Variants in MYCBP2 observed in about 807,000 individuals in gnomAD.
The protein encoded by MYCBP2 is MYC binding protein 2, also known as E3 ubiquitin-protein ligase MYCBP2.
A neutral mutation model predicts 525.3 loss-of-function variants in MYCBP2; 120 were observed. The observed-to-expected ratio is 0.23, with a 90% CI of 0.20 to 0.27. MYCBP2 has a LOEUF of 0.27. Among genes scored for constraint, MYCBP2 ranks in the 10% least tolerant of loss-of-function variants. The pLI, the probability that MYCBP2 is intolerant of heterozygous loss-of-function variation, is 1.00. For missense variants in MYCBP2, 4,149 were observed against 5,657.1 expected, an observed-to-expected ratio of 0.73 and a Z score of 8.55; for synonymous variants, 1,894 against 1,955.8, an observed-to-expected ratio of 0.97 and a Z score of 0.83.
At chr13:77,237,990 T>C (rs1265312668) in intron 17 of MYCBP2, among the ~76,000 whole-genome samples, 1 of 152,108 alleles carries the variant, frequency 6.6e-6, no homozygotes, top group Non-Finnish European at 1.5e-5. Flanking sequence ...ACGCCTGTAA[T>C]CCCAGCACTT....
chr13:77,246,556 G>A (rs576865666), intron 15 of MYCBP2, among the ~76,000 whole-genome samples: 89 of 149,750 alleles, frequency 5.9e-4, no homozygotes, highest in African/African-American at 2.1e-3. Context: ...AGGAGGAGGA[G>A]CAGGAGGAGA....
chr13:77,234,923 C>G (rs967710261), intron 17 of MYCBP2, among the ~76,000 whole-genome samples: 1 of 151,974 alleles, frequency 6.6e-6, no homozygotes, highest in African/African-American at 2.4e-5. Context: ...CACCCACACC[C>G]GTTTAATGTC....
rs370809774 is a variant in MYCBP2 at position 77,165,288 on chromosome 13, G to A, written c.6444C>T (p.Ser2148=). 2.5e-6 allele frequency: 4 copies of A among 1,607,498 alleles called. No individual in the cohort carries two copies. The highest frequency in any genetic ancestry group is 3.4e-6 in the Non-Finnish European group (4 of 1,176,276). ...FKCFAIGYEF[S]PGPDEGVIQL... is the part of the protein sequence containing the mutation. ...TCATTCTTACCTCATCAGGTCCAGG[G>A]CTAAATTCATATCCAATTGCAAAAC... The change falls in exon 42 of 83, where the codon AGC becomes AGT. Residue 2148 remains serine (S), a synonymous_variant. Transcript: ENST00000544440.
chr13:77,221,413 G>A (rs1289231676), intron 20 of MYCBP2, among the ~76,000 whole-genome samples: 1 of 152,036 alleles, frequency 6.6e-6, no homozygotes, highest in Non-Finnish European at 1.5e-5. Flanking sequence ...CCCTCTCAGC[G>A]GCCAACACAC....
intron 55 of MYCBP2, among the ~76,000 whole-genome samples, chr13:77,116,114 C>T (rs956046809): frequency 3.3e-5 from 5 of 151,806 alleles, no homozygotes; most frequent in African/African-American, 1.2e-4. Context: ...CTCTGTAAAA[C>T]AGACATAAGA....
Position 77,243,097 on chromosome 13 carries a change from T to C in MYCBP2, c.2591A>G (p.Gln864Arg), listed in dbSNP as rs762034399. The change falls in exon 17 of 83, where the codon CAA becomes CGA. Residue 864 changes from glutamine to arginine, a missense_variant. Gln to Arg is a conservative substitution (Grantham distance 43, BLOSUM62 1). Coordinates refer to ENST00000544440, the MANE Select transcript of MYCBP2 (RefSeq NM_015057.5). The part of the protein sequence containing the change: ...HLQLRQEEKR[Q>R]RVIRRHRLEE... The stretch of plus-strand genomic sequence containing the variant: ...TAATCTGTGCCTTCTGATTACACGT[T>C]GCCGTTTTTCTTCTTGTCGTAACTG... The C allele has an allele frequency of 1.2e-6, 2 of 1,614,128 alleles. No homozygotes were observed. Among genetic ancestry groups the C allele is most frequent in the Non-Finnish European group, 1.7e-6 (2 of 1,180,012 alleles).
intron 1 of MYCBP2, among the ~76,000 whole-genome samples, chr13:77,323,235 T>C (rs1215348207): frequency 2.6e-5 from 4 of 152,204 alleles, no homozygotes; most frequent in African/African-American, 4.8e-5. Flanking sequence ...AAAACCAGTC[T>C]AGCTTCTGTG....
At chr13:77,104,998 G>T (rs1055490986) in intron 55 of MYCBP2, among the ~76,000 whole-genome samples, 1 of 152,110 alleles carries the variant, frequency 6.6e-6, no homozygotes, top group Non-Finnish European at 1.5e-5. Flanking sequence ...CATATAATAA[G>T]GAGTTTGCAG....
At chr13:77,115,708 G>A (rs1355380564) in intron 55 of MYCBP2, among the ~76,000 whole-genome samples, 1 of 151,138 alleles carries the variant, frequency 6.6e-6, no homozygotes, top group Non-Finnish European at 1.5e-5. Flanking sequence ...AAGAATTACA[G>A]ATAATAATGC....
At chr13:77,299,790 C>T (rs1255632741) in intron 1 of MYCBP2, among the ~76,000 whole-genome samples, 2 of 152,038 alleles carry the variant, frequency 1.3e-5, no homozygotes, top group African/African-American at 2.4e-5. Context: ...AGTCTTCTCA[C>T]AAAAATAACT....
Position 77,067,776 on chromosome 13 carries a change from T to C in MYCBP2, c.12260A>G (p.Asp4087Gly). ...IIGVKSLPPADISDIIHSTEK... is the reference protein window; with the variant it reads ...IIGVKSLPPAGISDIIHSTEK... The stretch of plus-strand genomic sequence containing the variant: ...TGTTGAGTGAATGATATCACTGATA[T>C]CTGCTGGGGGGAGGGATTTCACTCC... The change falls in exon 71 of 83, where the codon GAT becomes GGT. Residue 4087 changes from aspartate to glycine, a missense_variant. Asp to Gly is a moderately conservative substitution (Grantham distance 94). Transcript: ENST00000544440. 1 of 1,614,136 alleles carries C rather than the reference T, an allele frequency of 6.2e-7. No individual in the cohort carries two copies. The highest frequency in any genetic ancestry group is 8.5e-7 in the Non-Finnish European group (1 of 1,179,984).
At position 77,296,627 on chromosome 13, in the gene MYCBP2, C is replaced by T; in HGVS notation, c.350G>A (p.Ser117Asn). 1 of 1,564,600 alleles carries T rather than the reference C, an allele frequency of 6.4e-7. No homozygotes were observed. Among genetic ancestry groups the T allele is most frequent in the Non-Finnish European group, 8.7e-7 (1 of 1,152,486 alleles). ...GCTTCTTGTCTTCACTTTTGATTTGCTCTTCTGTTTTCTTTTCAATTTCTT... is the reference window on the plus strand; with the variant it reads ...GCTTCTTGTCTTCACTTTTGATTTGTTCTTCTGTTTTCTTTTCAATTTCTT... ...NKKKLKRKQK[S>N]KSKVKTRSKS... The change falls in exon 2 of 83, where the codon AGC becomes AAC. Residue 117 changes from serine (S) to asparagine (N), a missense_variant. Around this residue, in one of 21 missense-constraint regions of MYCBP2, gnomAD observed 413 missense variants for 451.2 expected, o/e 0.92. Coordinates refer to ENST00000544440, the MANE Select transcript of MYCBP2 (RefSeq NM_015057.5).
intron 14 of MYCBP2, among the ~76,000 whole-genome samples, chr13:77,253,951 TA>T (rs1261261867): frequency 5.9e-5 from 9 of 151,954 alleles, no homozygotes; most frequent in Admixed American, 5.2e-4. Context: ...AAGGAGGTTT[TA>T]AACTCATTTA....
At chr13:77,210,346 C>T (rs1282331532) in intron 23 of MYCBP2, among the ~76,000 whole-genome samples, 1 of 151,914 alleles carries the variant, frequency 6.6e-6, no homozygotes, top group African/African-American at 2.4e-5. Context: ...GTGCCCGCCA[C>T]CACGCCCGGC....
chr13:77,152,704 A>G (rs2056651747), intron 46 of MYCBP2, among the ~76,000 whole-genome samples: 1 of 152,100 alleles, frequency 6.6e-6, no homozygotes, highest in Admixed American at 6.5e-5. Context: ...TCAGGGAAAT[A>G]TCACCTTCTT....
chr13:77,281,174 A>G (rs2076149491), intron 3 of MYCBP2, among the ~76,000 whole-genome samples: 1 of 152,200 alleles, frequency 6.6e-6, no homozygotes, highest in South Asian at 2.1e-4. Context: ...AGGAAGGAAG[A>G]GTGTAAGGAG....
chr13:77,150,827 C>T lies in MYCBP2; in HGVS notation c.7038G>A (p.Met2346Ile), dbSNP rs1477405410. The T allele has an allele frequency of 6.2e-7, 1 of 1,613,998 alleles. No individual in the cohort carries two copies. The highest frequency in any genetic ancestry group is 1.3e-5 in the African/African-American group (1 of 74,918). ...AVTAASSNTD[M>I]TYGGLASPKL... The stretch of plus-strand genomic sequence containing the variant: ...TTGGTGATGCCAGCCCTCCATAAGT[C>T]ATGTCAGTATTAGAAGATGCAGCTG... Residue 2346 changes from methionine (M) to isoleucine (I), a missense_variant, in exon 47 of 83, where the codon ATG becomes ATA. By Grantham distance (10) the Met-to-Ile change is conservative. Around this residue, in one of 21 missense-constraint regions of MYCBP2, gnomAD observed 692 missense variants for 852.7 expected, o/e 0.81. Transcript: ENST00000544440.
chr13:77,070,685 T>C lies in MYCBP2; in HGVS notation c.11850A>G (p.Glu3950=), dbSNP rs762020263. The C allele has an allele frequency of 2.5e-6, 4 of 1,608,494 alleles. No homozygotes were observed. The highest frequency in any genetic ancestry group is 4.5e-5 in the East Asian group (2 of 44,670). ...YNATSDADLK[E]HMVGIIFSRS... ...TGCTGAATATGATTCCAACCATATG[T>C]TCTTTCAGGTCAGCATCTGATGTTG... The change falls in exon 69 of 83, where the codon GAA becomes GAG. Residue 3950 remains glutamate (E), a synonymous_variant. Transcript: ENST00000544440.
intron 26 of MYCBP2, among the ~76,000 whole-genome samples, chr13:77,203,925 C>T (rs901017828): frequency 2.0e-5 from 3 of 151,992 alleles, no homozygotes; most frequent in African/African-American, 7.2e-5. Flanking sequence ...AAACGTTAGA[C>T]CTAAAACCAT....
Sources: gnomAD v4.1 joint callset for allele counts (sites outside exome capture counted in the v4.1 genomes callset) on GRCh38, gnomAD v4.1.1 for gene constraint, gnomAD v4.1.1 regional missense constraint, MANE v1.5 for transcripts, NCBI Gene and HGNC (gene_info 2026-07-23, HGNC 2026-07-21) for gene names.